The following POU2F1 variants were observed in gnomAD, a reference collection of about 807,000 sequenced individuals.
POU2F1 encodes POU domain, class 2, transcription factor 1.
A neutral mutation model predicts 84.9 loss-of-function variants in POU2F1; 16 were observed. That is an observed-to-expected ratio of 0.19 (90% confidence interval 0.13 to 0.29). The LOEUF (loss-of-function observed/expected upper bound fraction) is 0.29. Among genes scored for constraint, POU2F1 ranks in the 10% least tolerant of loss-of-function variants. The pLI is 1.00. For missense variants in POU2F1, 738 were observed against 942.6 expected, an observed-to-expected ratio of 0.78 and a Z score of 2.84; for synonymous variants, 368 against 368.3, an observed-to-expected ratio of 1.00 and a Z score of 0.01.
At chr1:167,399,149 A>G (rs778747888) in intron 11 of POU2F1, 37 bp from the exon 12 acceptor site, 26 of 1,554,380 alleles carry the variant, frequency 1.7e-5, no homozygotes, top group Admixed American at 3.8e-5. Context: ...GTTATTGCAA[A>G]GGATAGCTTT....
At position 167,374,112 on chromosome 1, in the gene POU2F1, CT is replaced by C; in HGVS notation, c.410del (p.Leu137Ter). The C allele has an allele frequency of 6.2e-7, 1 of 1,614,092 alleles. No homozygotes were observed. The highest frequency in any genetic ancestry group is 8.5e-7 in the Non-Finnish European group (1 of 1,180,000). ...MLAGGQITGLTLTPAQQQLLL... is the reference protein window; with the variant it reads ...MLAGGQITGLXLTPAQQQLLL... ...ATGTGTTCTGGTTTTGTTTAGCTTA[CT>C]TTGACGCCTGCCCAGCAACAGTTAC... On this transcript the variant is annotated frameshift_variant, in exon 6 of 16. Coordinates refer to ENST00000367866, the MANE Select transcript of POU2F1 (RefSeq NM_002697.4). LOFTEE classifies it high-confidence loss of function.
intron 7 of POU2F1, among the ~76,000 whole-genome samples, chr1:167,382,283 G>A (rs891892604): frequency 6.6e-6 from 1 of 152,188 alleles, no homozygotes; most frequent in Non-Finnish European, 1.5e-5. Context: ...AGTCTCTCTG[G>A]AGAAGCAATA....
At chr1:167,400,275 T>C (rs555639451) in intron 12 of POU2F1, among the ~76,000 whole-genome samples, 12 of 152,042 alleles carry the variant, frequency 7.9e-5, no homozygotes, top group Non-Finnish European at 1.8e-4. Context: ...GGATTACAGG[T>C]GTGAGCCACT....
chr1:167,253,784 C>A (rs915233725), intron 1 of POU2F1, among the ~76,000 whole-genome samples: 1 of 151,964 alleles, frequency 6.6e-6, no homozygotes, highest in South Asian at 2.1e-4. Context: ...CCCCCATACC[C>A]CATTTTAATT....
chr1:167,232,719 C>T (rs1034908160), intron 1 of POU2F1, among the ~76,000 whole-genome samples: 3 of 151,842 alleles, frequency 2.0e-5, no homozygotes, highest in Non-Finnish European at 4.4e-5. Flanking sequence ...GGCACACGCC[C>T]ATAATCCCAG....
At chr1:167,248,776 C>G (rs963023876) in intron 1 of POU2F1, among the ~76,000 whole-genome samples, 6 of 152,160 alleles carry the variant, frequency 3.9e-5, no homozygotes, top group Admixed American at 1.3e-4. Flanking sequence ...ATTTAATATA[C>G]AGTGCTTATT....
Position 167,237,772 on chromosome 1 carries a change from ATTTTTTTTT to A in POU2F1, c.61+16833_61+16841del, listed in dbSNP as rs1216931950. Among the ~76,000 whole-genome samples, 132 of 29,710 alleles carry A rather than the reference ATTTTTTTTT, an allele frequency of 4.4e-3. 1 individual carries two copies. Among genetic ancestry groups the A allele is most frequent in the Non-Finnish European group, 6.0e-3 (104 of 17,266 alleles). 19.5% of individuals were successfully genotyped at this position (29,710 alleles called of 152,430 possible). On this transcript the variant is annotated intron_variant, in intron 1 of 15. Transcript: ENST00000367866. ...TATATATATATATATATATATATATATTTTTTTTTTTTTTTTTTTTTTTTTTTGGCAGAG... is the reference window on the plus strand; with the variant it reads ...TATATATATATATATATATATATATATTTTTTTTTTTTTTTTTTGGCAGAG...
chr1:167,260,007 T>C (rs1351225264), intron 1 of POU2F1, among the ~76,000 whole-genome samples: 1 of 151,964 alleles, frequency 6.6e-6, no homozygotes, highest in African/African-American at 2.4e-5. Context: ...GCCTCCCGAG[T>C]AGCTGGGACT....
At chr1:167,399,475 C>A in intron 12 of POU2F1, 110 bp downstream of exon 12, 1 of 896,564 alleles carries the variant, frequency 1.1e-6, no homozygotes, top group South Asian at 1.8e-5. Context: ...ATAAATACAT[C>A]AAATAAATGC....
chr1:167,387,405 T>C (rs978557129), intron 8 of POU2F1: 13 of 341,766 alleles, frequency 3.8e-5, no homozygotes, highest in African/African-American at 2.8e-4. Flanking sequence ...TGGTTGGTGC[T>C]CGTTTTGGCT....
chr1:167,224,424 C>A (rs559357750), intron 1 of POU2F1, among the ~76,000 whole-genome samples: 1 of 152,208 alleles, frequency 6.6e-6, no homozygotes, highest in Admixed American at 6.5e-5. Context: ...GTAGAATACT[C>A]ACAGGAAAGC....
intron 1 of POU2F1, among the ~76,000 whole-genome samples, chr1:167,331,917 G>A (rs1347299469): frequency 6.6e-6 from 1 of 151,974 alleles, no homozygotes; most frequent in East Asian, 1.9e-4. Flanking sequence ...TTCTCACTTT[G>A]ACTTGTTTAG....
At position 167,325,880 on chromosome 1, in the gene POU2F1, T is replaced by TC. The variant is rs547249884; in HGVS notation, c.62-6588dup. ...CTCCAGCATGGGCAAAAGAGCAAACTCCATCTCAAAAAAAAAAAAAAAACT... is the reference window on the plus strand; with the variant it reads ...CTCCAGCATGGGCAAAAGAGCAAACTCCCATCTCAAAAAAAAAAAAAAAACT... On this transcript the variant is annotated intron_variant, in intron 1 of 15. Coordinates refer to ENST00000367866, the MANE Select transcript of POU2F1 (RefSeq NM_002697.4). Among the ~76,000 whole-genome samples the TC allele has an allele frequency of 2.9e-3, 375 of 128,408 alleles. 1 individual carries two copies. The highest frequency in any genetic ancestry group is 0.011 in the African/African-American group (357 of 32,016). 84.2% of individuals were successfully genotyped at this position (128,408 alleles called of 152,430 possible). A position where few individuals can be genotyped will look rare whatever the true frequency, so the allele number is the denominator to read the frequency against.
At chr1:167,232,321 A>C (rs756785929) in intron 1 of POU2F1, among the ~76,000 whole-genome samples, 1 of 152,150 alleles carries the variant, frequency 6.6e-6, no homozygotes, top group Non-Finnish European at 1.5e-5. Context: ...AAACATTCCT[A>C]TCTCCTAGTG....
At chr1:167,234,551 G>A (rs1158956502) in intron 1 of POU2F1, among the ~76,000 whole-genome samples, 6 of 152,158 alleles carry the variant, frequency 3.9e-5, no homozygotes, top group Admixed American at 6.5e-5. Context: ...GGGCAACATA[G>A]CGAGACCTTC....
At chr1:167,400,298 C>T (rs574466788) in intron 12 of POU2F1, among the ~76,000 whole-genome samples, 4 of 152,144 alleles carry the variant, frequency 2.6e-5, no homozygotes, top group African/African-American at 7.2e-5. Flanking sequence ...GCCCAGCCCA[C>T]CTATCTTATT....
rs766815545 is a variant in POU2F1, at chr1:167,412,111, C to G, written c.1708C>G (p.Gln570Glu). Residue 570 changes from glutamine to glutamate, a missense_variant, in exon 14 of 16, where the codon CAG (glutamine) becomes GAG (glutamate). Gln to Glu is a conservative substitution (Grantham distance 29). Transcript: ENST00000367866. ...CAGTGCCAGTGAGACCAGCACAACACAGACCACCTCCACTCCTTTGTCCTC... is the reference window on the plus strand; with the variant it reads ...CAGTGCCAGTGAGACCAGCACAACAGAGACCACCTCCACTCCTTTGTCCTC... ...ASSASETSTT[Q>E]TTSTPLSSPL... 2 of 1,614,222 alleles carry G rather than the reference C, an allele frequency of 1.2e-6. No individual in the cohort carries two copies. The highest frequency in any genetic ancestry group is 1.7e-5 in the Admixed American group (1 of 60,032).
In POU2F1 at chr1:167,412,314, T is replaced by C. The variant is rs1332221763; in HGVS notation, c.1901+10T>C. ...CACAGTTTGCGGCTGGGTAAGGCGCTTTCTCATCTCATTCACGTCTGAGGT... is the reference window on the plus strand; with the variant it reads ...CACAGTTTGCGGCTGGGTAAGGCGCCTTCTCATCTCATTCACGTCTGAGGT... On this transcript the variant is annotated intron_variant, in intron 14 of 15. Transcript: ENST00000367866. 1.3e-6 allele frequency: 2 copies of C among 1,523,300 alleles called. No individual in the cohort carries two copies. Among genetic ancestry groups the C allele is most frequent in the Non-Finnish European group, 1.8e-6 (2 of 1,127,566 alleles). 94.4% of individuals were successfully genotyped at this position (1,523,300 alleles called of 1,614,324 possible).
chr1:167,327,394 A>G lies in POU2F1; in HGVS notation c.62-5076A>G, dbSNP rs186387900. Among the ~76,000 whole-genome samples the G allele has an allele frequency of 4.2e-4, 64 of 152,304 alleles. 1 individual carries two copies. Among genetic ancestry groups the G allele is most frequent in the Admixed American group, 1.5e-3 (23 of 15,296 alleles). ...ATGGCTGTGTTAAGTTTCTCCCCCA[A>G]AGTCTCTCCTCATAAGCATTTTGTG... On this transcript the variant is annotated intron_variant, in intron 1 of 15. Coordinates refer to ENST00000367866, the MANE Select transcript of POU2F1 (RefSeq NM_002697.4).
Sources: gnomAD v4.1 joint callset for allele counts (sites outside exome capture counted in the v4.1 genomes callset) on GRCh38, gnomAD v4.1.1 for gene constraint, MANE v1.5 for transcripts, NCBI Gene and HGNC (gene_info 2026-07-23, HGNC 2026-07-21) for gene names.